The following SORT1 variants were observed in gnomAD, a reference collection of about 807,000 sequenced individuals.
The protein encoded by SORT1 is sortilin.
A neutral mutation model predicts 101.7 loss-of-function variants in SORT1; 39 were observed. The observed-to-expected ratio is 0.38, with a 90% CI of 0.30 to 0.50. The LOEUF (loss-of-function observed/expected upper bound fraction) is 0.50, where lower values mean the gene tolerates loss of function less well. SORT1 is among the 20% of genes least tolerant of loss of function. SORT1 has a pLI of 0.90. For missense variants in SORT1, 878 were observed against 1,040.4 expected, an observed-to-expected ratio of 0.84 and a Z score of 2.15; for synonymous variants, 396 against 393.7, an observed-to-expected ratio of 1.01 and a Z score of -0.07.
chr1:109,365,642 C>T (rs1651035621), intron 3 of SORT1, among the ~76,000 whole-genome samples: 1 of 152,092 alleles, frequency 6.6e-6, no homozygotes, highest in African/African-American at 2.4e-5. Context: ...TATAAAGAAG[C>T]CAAGACATTC....
chr1:109,335,252 A>G (rs1003666156), intron 11 of SORT1, among the ~76,000 whole-genome samples: 2 of 152,206 alleles, frequency 1.3e-5, no homozygotes, highest in African/African-American at 4.8e-5. Context: ...ACAGGCCAAG[A>G]GAGCCACAAC....
chr1:109,368,293 CA>C (rs35637507), intron 2 of SORT1, among the ~76,000 whole-genome samples: 9,679 of 59,586 alleles, frequency 0.16, 139 homozygotes, highest in South Asian at 0.2. Flanking sequence ...GACTCTGTCT[CA>C]AAAAAAAAAA....
At chr1:109,339,742 C>T (rs1454794323) in intron 10 of SORT1, among the ~76,000 whole-genome samples, 1 of 152,172 alleles carries the variant, frequency 6.6e-6, no homozygotes, top group Non-Finnish European at 1.5e-5. Flanking sequence ...CATATATCCC[C>T]AAAGGAACTG....
chr1:109,317,552 C>T (rs563522250), intron 16 of SORT1, among the ~76,000 whole-genome samples: 25 of 152,170 alleles, frequency 1.6e-4, no homozygotes, highest in Non-Finnish European at 3.4e-4. Context: ...GCCTGTGGGT[C>T]CCTCGCCTCT....
Position 109,311,227 on chromosome 1 carries a change from G to A in SORT1, c.*2816C>T, listed in dbSNP as rs1347394140. Reference sequence around the variant, plus strand: ...GTTCCCTACCTGGATTTAAGAACTCGGACCACTTTGGACTGGTTTGTCCAA... The same window carrying A: ...GTTCCCTACCTGGATTTAAGAACTCAGACCACTTTGGACTGGTTTGTCCAA... On this transcript the variant is annotated 3_prime_UTR_variant, in exon 20 of 20. Coordinates refer to ENST00000256637, the MANE Select transcript of SORT1 (RefSeq NM_002959.7). 6.6e-6 allele frequency: 1 copy of A among 152,156 alleles called. No homozygotes were observed. 9.4% of individuals were successfully genotyped at this position (152,156 alleles called of 1,614,324 possible).
intron 1 of SORT1, among the ~76,000 whole-genome samples, chr1:109,377,604 C>T (rs1266109367): frequency 2.0e-5 from 3 of 152,184 alleles, no homozygotes; most frequent in Non-Finnish European, 4.4e-5. Flanking sequence ...CCATTAACTT[C>T]ACGTAGCTAA....
chr1:109,315,477 C>T (rs1331517864), intron 17 of SORT1, among the ~76,000 whole-genome samples: 1 of 151,954 alleles, frequency 6.6e-6, no homozygotes, highest in East Asian at 1.9e-4. Context: ...AGGAACTCGC[C>T]CCCTTACCAA....
At chr1:109,323,152 A>G (rs1214059473) in intron 14 of SORT1, 31 bp from the exon 15 acceptor site, 1 of 1,577,354 alleles carries the variant, frequency 6.3e-7, no homozygotes, top group South Asian at 1.1e-5. Flanking sequence ...TCAGGAAAGT[A>G]CACAGCACAG....
chr1:109,335,589 T>C (rs1187778575), intron 11 of SORT1, among the ~76,000 whole-genome samples: 7 of 138,798 alleles, frequency 5.0e-5, no homozygotes, highest in Admixed American at 1.5e-4. Context: ...GGTACTTCAG[T>C]TTCTGAAGGA....
intron 8 of SORT1, among the ~76,000 whole-genome samples, chr1:109,345,175 T>G (rs1177299284): frequency 6.6e-6 from 1 of 152,226 alleles, no homozygotes; most frequent in Non-Finnish European, 1.5e-5. Flanking sequence ...AGCAAGAGAT[T>G]GCTTTCTACA....
Position 109,313,888 on chromosome 1 carries a change from T to A in SORT1, c.*155A>T. 47 of 467,390 alleles carry A rather than the reference T, an allele frequency of 1.0e-4. No homozygotes were observed. Among genetic ancestry groups the A allele is most frequent in the Middle Eastern group, 5.7e-4 (1 of 1,748 alleles). 29.0% of individuals were successfully genotyped at this position (467,390 alleles called of 1,614,324 possible). ...AGGGTTCCCCACCCCCACCCTGCAT[T>A]TCTTTAGTGTAGGTCCTTTTGGCTT... On this transcript the variant is annotated 3_prime_UTR_variant, in exon 20 of 20. Coordinates refer to ENST00000256637, the MANE Select transcript of SORT1 (RefSeq NM_002959.7).
At chr1:109,340,136 G>A (rs1197342885) in intron 10 of SORT1, among the ~76,000 whole-genome samples, 2 of 112,462 alleles carry the variant, frequency 1.8e-5, no homozygotes, top group African/African-American at 3.5e-5. Context: ...GCAACAGAGC[G>A]ATTCCATCTC....
At chr1:109,365,561 C>T (rs1268255992) in intron 3 of SORT1, among the ~76,000 whole-genome samples, 2 of 152,158 alleles carry the variant, frequency 1.3e-5, no homozygotes, top group Admixed American at 6.5e-5. Flanking sequence ...TACTATAGCG[C>T]TTTCTAGCAC....
In SORT1 at chr1:109,313,882, C is replaced by G. The variant is rs753242442; in HGVS notation, c.*161G>C. On this transcript the variant is annotated 3_prime_UTR_variant, in exon 20 of 20. Transcript: ENST00000256637. ...GTGCTCAGGGTTCCCCACCCCCACC[C>G]TGCATTTCTTTAGTGTAGGTCCTTT... The G allele has an allele frequency of 2.4e-5, 13 of 552,700 alleles. No homozygotes were observed. The highest frequency in any genetic ancestry group is 3.8e-5 in the Non-Finnish European group (12 of 314,490). The allele number at this position is 552,700 out of a possible 1,614,324, so 34.2% of individuals were successfully genotyped here.
At position 109,397,753 on chromosome 1, in the gene SORT1, A is replaced by G; in HGVS notation, c.140T>C (p.Leu47Pro). ...LDAPPPPAAP[L>P]PRWSGPIGVS... The stretch of plus-strand genomic sequence containing the variant: ...CCCGATGGGGCCAGACCAGCGCGGC[A>G]GCGGCGCAGCGGGCGGCGGCGGCGC... Residue 47 changes from leucine to proline, a missense_variant, in exon 1 of 20, where the codon CTG (leucine) becomes CCG (proline). Around this residue, in one of 2 missense-constraint regions of SORT1, gnomAD observed 194 missense variants for 145.9 expected, o/e 1.33. Coordinates refer to ENST00000256637, the MANE Select transcript of SORT1 (RefSeq NM_002959.7). The G allele has an allele frequency of 1.1e-5, 13 of 1,197,930 alleles. No individual in the cohort carries two copies. The highest frequency in any genetic ancestry group is 2.7e-5 in the South Asian group (1 of 37,412). 74.2% of individuals were successfully genotyped at this position (1,197,930 alleles called of 1,614,324 possible).
rs932823897 is a variant in SORT1 at position 109,330,087 on chromosome 1, C to T, written c.1372-2486G>A. Among the ~76,000 whole-genome samples, 9 of 152,272 alleles carry T rather than the reference C, an allele frequency of 5.9e-5. No individual in the cohort carries two copies. In the South Asian group the frequency reaches 1.0e-3, roughly 18 times the overall value. On this transcript the variant is annotated intron_variant, in intron 11 of 19. Coordinates refer to ENST00000256637, the MANE Select transcript of SORT1 (RefSeq NM_002959.7). ...CGTGATCTTGGCTCACTGCAAGCTC[C>T]GCCTCCCGGGTTCAAACAATTCTCT...
chr1:109,369,946 C>A (rs779891349), intron 1 of SORT1, among the ~76,000 whole-genome samples: 27 of 152,046 alleles, frequency 1.8e-4, no homozygotes, highest in Non-Finnish European at 3.1e-4. Context: ...AGATCATAGC[C>A]CACACTGGCA....
intron 1 of SORT1, among the ~76,000 whole-genome samples, chr1:109,391,871 A>G (rs1652935667): frequency 6.6e-6 from 1 of 152,242 alleles, no homozygotes; most frequent in Non-Finnish European, 1.5e-5. Flanking sequence ...AGTTTTCACC[A>G]AGTTTTTAAA....
At chr1:109,386,718 A>G (rs1652592527) in intron 1 of SORT1, among the ~76,000 whole-genome samples, 1 of 152,226 alleles carries the variant, frequency 6.6e-6, no homozygotes, top group African/African-American at 2.4e-5. Flanking sequence ...AGTTTAAAAA[A>G]GCAATATGCA....
Sources: allele counts gnomAD v4.1 joint callset (sites outside exome capture counted in the v4.1 genomes callset), GRCh38; gene constraint gnomAD v4.1.1; regional missense constraint gnomAD v4.1.1; transcripts MANE v1.5; gene names NCBI Gene and HGNC (gene_info 2026-07-23, HGNC 2026-07-21).